PRKCA: variants seen among roughly 807,000 people sequenced by gnomAD.
PRKCA encodes protein kinase C alpha, also known as protein kinase C alpha type.
Under a neutral mutation model 87.0 loss-of-function variants are expected in PRKCA, and 27 were observed. That is an observed-to-expected ratio of 0.31 (90% confidence interval 0.23 to 0.43). PRKCA has a LOEUF of 0.43. Ranked by LOEUF, PRKCA falls within the 20% of genes least tolerant of loss-of-function variation. The pLI, the probability that PRKCA is intolerant of heterozygous loss-of-function variation, is 1.00. For synonymous variants in PRKCA, 329 were observed against 311.1 expected, an observed-to-expected ratio of 1.06 and a Z score of -0.61; for missense variants, 518 against 852.3, an observed-to-expected ratio of 0.61 and a Z score of 4.88.
intron 3 of PRKCA, among the ~76,000 whole-genome samples, chr17:66,510,444 G>A (rs1917173816): frequency 6.6e-6 from 1 of 152,094 alleles, no homozygotes; most frequent in Admixed American, 6.6e-5. Context: ...TTATTGAAAG[G>A]CAAAACTTGT....
chr17:66,557,320 T>C (rs1016790670), intron 3 of PRKCA, among the ~76,000 whole-genome samples: 1 of 152,156 alleles, frequency 6.6e-6, no homozygotes, highest in African/African-American at 2.4e-5. Context: ...AAATTACGAT[T>C]CTAAATTTGT....
intron 8 of PRKCA, among the ~76,000 whole-genome samples, chr17:66,705,303 A>G (rs540952786): frequency 6.6e-6 from 1 of 152,224 alleles, no homozygotes; most frequent in Admixed American, 6.5e-5. Context: ...TCAAACACTC[A>G]TTAGATCACT....
intron 2 of PRKCA, among the ~76,000 whole-genome samples, chr17:66,357,700 G>T (rs1211222402): frequency 6.6e-6 from 1 of 152,168 alleles, no homozygotes; most frequent in East Asian, 1.9e-4. Flanking sequence ...TAAATGAGAG[G>T]TAATGTATGT....
chr17:66,727,777 G>T (rs749216437), intron 8 of PRKCA, among the ~76,000 whole-genome samples: 3 of 152,114 alleles, frequency 2.0e-5, no homozygotes, highest in Non-Finnish European at 4.4e-5. Flanking sequence ...GCCAGGGAAG[G>T]CTGGGTCTTC....
chr17:66,478,344 T>C (rs565228207), intron 2 of PRKCA, among the ~76,000 whole-genome samples: 1 of 152,300 alleles, frequency 6.6e-6, no homozygotes, highest in South Asian at 2.1e-4. Context: ...AATCTCCGCC[T>C]TCTGGGTTCA....
intron 2 of PRKCA, among the ~76,000 whole-genome samples, chr17:66,374,707 C>G (rs952495665): frequency 1.4e-5 from 2 of 146,224 alleles, no homozygotes; most frequent in Non-Finnish European, 3.0e-5. Flanking sequence ...GTGCAGGGTG[C>G]TGAGTTGCAT....
intron 3 of PRKCA, among the ~76,000 whole-genome samples, chr17:66,513,220 A>G (rs1917323293): frequency 6.6e-6 from 1 of 152,164 alleles, no homozygotes; most frequent in African/African-American, 2.4e-5. Context: ...TTAGTTGCAC[A>G]AGGGAGATGA....
At chr17:66,562,903 T>TA (rs1376555007) in intron 3 of PRKCA, among the ~76,000 whole-genome samples, 9 of 152,220 alleles carry the variant, frequency 5.9e-5, no homozygotes, top group Admixed American at 6.5e-5. Flanking sequence ...GCCAGCTTGA[T>TA]AAATTTTTAT....
intron 3 of PRKCA, among the ~76,000 whole-genome samples, chr17:66,618,353 CAAAAA>C (rs34535549): frequency 4.5e-5 from 6 of 134,216 alleles, no homozygotes; most frequent in South Asian, 2.4e-4. Flanking sequence ...AACCCTATCG[CAAAAA>C]AAAAAAAAAA....
chr17:66,535,588 A>G (rs1394760581), intron 3 of PRKCA, among the ~76,000 whole-genome samples: 6 of 152,170 alleles, frequency 3.9e-5, no homozygotes, highest in African/African-American at 1.4e-4. Context: ...GAGTAAGGGC[A>G]CAAAACACAG....
At chr17:66,745,259 G>A (rs778019027) in intron 13 of PRKCA, among the ~76,000 whole-genome samples, 1 of 152,134 alleles carries the variant, frequency 6.6e-6, no homozygotes. Context: ...CATACACAGA[G>A]AATACTCTGT....
chr17:66,563,447 C>G (rs1444821568), intron 3 of PRKCA, among the ~76,000 whole-genome samples: 1 of 152,178 alleles, frequency 6.6e-6, no homozygotes, highest in Non-Finnish European at 1.5e-5. Flanking sequence ...AGATTGGCTT[C>G]TTTCACTTAG....
Position 66,656,656 on chromosome 17 carries a change from G to A in PRKCA, c.529+11145G>A, listed in dbSNP as rs990143992. Reference sequence around the variant, plus strand: ...TTGGGGAATGAGAGAGAGATCTTGGGGGATCAGGAGGGAAGACGAAATAAA... The same window carrying A: ...TTGGGGAATGAGAGAGAGATCTTGGAGGATCAGGAGGGAAGACGAAATAAA... On this transcript the variant is annotated intron_variant, in intron 5 of 16. Transcript: ENST00000413366. 1.1e-4 allele frequency among the ~76,000 whole-genome samples: 17 copies of A among 152,240 alleles called. 1 individual carries two copies. The South Asian group carries it at 3.5e-3, about 32-fold the overall frequency.
intron 14 of PRKCA, chr17:66,777,577 A>G (rs1449563028): frequency 1.0e-6 from 1 of 984,906 alleles, no homozygotes; most frequent in Admixed American, 6.2e-5. Context: ...CCTCTTTAAA[A>G]TTTTTACAGT....
intron 10 of PRKCA, among the ~76,000 whole-genome samples, chr17:66,737,087 T>G (rs1974049777): frequency 6.6e-6 from 1 of 151,288 alleles, no homozygotes; most frequent in Admixed American, 6.6e-5. Context: ...GCGCGGTGGC[T>G]CACGCCTGTA....
At chr17:66,514,725 T>C (rs1514653) in intron 3 of PRKCA, among the ~76,000 whole-genome samples, 97,492 of 151,656 alleles carry the variant, frequency 0.64, 32,212 homozygotes, top group African/African-American at 0.8. Flanking sequence ...AAGCAGGAGG[T>C]GAGCCAAAGG....
chr17:66,610,581 G>T lies in PRKCA; in HGVS notation c.289-30774G>T, dbSNP rs780160982. Among the ~76,000 whole-genome samples the T allele has an allele frequency of 2.8e-4, 43 of 152,290 alleles. 1 individual carries two copies. Among genetic ancestry groups the T allele is most frequent in the Non-Finnish European group, 4.9e-4 (33 of 68,022 alleles). Reference sequence around the variant, plus strand: ...TTCCAAGGGATTAGCTCTGTTTCAGGATGTTGGAAATGAGTGCTTGAGTCG... The same window carrying T: ...TTCCAAGGGATTAGCTCTGTTTCAGTATGTTGGAAATGAGTGCTTGAGTCG... On this transcript the variant is annotated intron_variant, in intron 3 of 16. Transcript: ENST00000413366.
intron 2 of PRKCA, among the ~76,000 whole-genome samples, chr17:66,472,557 T>A (rs562304509): frequency 6.6e-6 from 1 of 152,298 alleles, no homozygotes; most frequent in Admixed American, 6.5e-5. Context: ...CATAGTTCCT[T>A]CCTGGGTTTA....
chr17:66,359,051 C>CT (rs1908233184), intron 2 of PRKCA, among the ~76,000 whole-genome samples: 1 of 151,964 alleles, frequency 6.6e-6, no homozygotes, highest in South Asian at 2.1e-4. Context: ...GGGCTGATTG[C>CT]TTTTTTATTT....
Sources: allele counts gnomAD v4.1 joint callset (sites outside exome capture counted in the v4.1 genomes callset), GRCh38; gene constraint gnomAD v4.1.1; transcripts MANE v1.5; gene names NCBI Gene and HGNC (gene_info 2026-07-23, HGNC 2026-07-21).